The following TCF12 variants were observed in gnomAD, a reference collection of about 807,000 sequenced individuals.
TCF12 encodes transcription factor 12.
A neutral mutation model predicts 86.0 loss-of-function variants in TCF12; 45 were observed. That is an observed-to-expected ratio of 0.52 (90% CI 0.41 to 0.67). TCF12 has a LOEUF of 0.67. TCF12 is among the 30% of genes least tolerant of loss of function. The pLI is 0.00. For synonymous variants in TCF12, 330 were observed against 299.6 expected, an observed-to-expected ratio of 1.10 and a Z score of -1.05; for missense variants, 881 against 859.9, an observed-to-expected ratio of 1.02 and a Z score of -0.31.
chr15:57,109,889 G>T lies in TCF12; in HGVS notation c.325+17998G>T, dbSNP rs181291024. On this transcript the variant is annotated intron_variant, in intron 5 of 20. Coordinates refer to ENST00000333725, the MANE Select transcript of TCF12 (RefSeq NM_207037.2). ...TGAACGCATAAGGTATCTAGAAAGC[G>T]TTAATTTGTGAGGGAACAAATTAAA... 2.8e-4 allele frequency among the ~76,000 whole-genome samples: 43 copies of T among 152,242 alleles called. No homozygotes were observed. The East Asian group carries it at 4.6e-3, about 16-fold the overall frequency.
intron 3 of TCF12, among the ~76,000 whole-genome samples, chr15:56,937,078 A>T (rs1280791073): frequency 6.6e-6 from 1 of 152,130 alleles, no homozygotes; most frequent in African/African-American, 2.4e-5. Flanking sequence ...CATTTTCACA[A>T]TATTGATTCT....
At chr15:56,999,412 A>AGC (rs201667513) in intron 3 of TCF12, among the ~76,000 whole-genome samples, 3 of 740 alleles carry the variant, frequency 4.1e-3, no homozygotes, top group African/African-American at 6.4e-3. Flanking sequence ...TCAGCAACCA[A>AGC]ACGGGATATC....
At chr15:57,173,663 C>T (rs1380523632) in intron 6 of TCF12, among the ~76,000 whole-genome samples, 2 of 150,574 alleles carry the variant, frequency 1.3e-5, no homozygotes, top group African/African-American at 4.9e-5. Flanking sequence ...AAATACTTAC[C>T]AAGAGGAGAC....
At chr15:57,079,029 T>C (rs1247208986) in intron 4 of TCF12, among the ~76,000 whole-genome samples, 2 of 152,242 alleles carry the variant, frequency 1.3e-5, no homozygotes, top group Non-Finnish European at 2.9e-5. Context: ...TGTAATTAAC[T>C]CATTATATTT....
chr15:56,976,387 C>A (rs573164903), intron 3 of TCF12, among the ~76,000 whole-genome samples: 1 of 147,582 alleles, frequency 6.8e-6, no homozygotes, highest in African/African-American at 2.5e-5. Context: ...GCCGCTACCA[C>A]GCCTGGCTAA....
rs141357213 is a variant in TCF12 at position 57,054,421 on chromosome 15, G to A, written c.149-9329G>A. 3.5e-3 allele frequency among the ~76,000 whole-genome samples: 539 copies of A among 152,264 alleles called. 4 individuals carry two copies. The highest frequency in any genetic ancestry group is 0.012 in the African/African-American group (513 of 41,548). On this transcript the variant is annotated intron_variant, in intron 3 of 20. Coordinates refer to ENST00000333725, the MANE Select transcript of TCF12 (RefSeq NM_207037.2). ...TGCACTTTCACATTGGTATAGTGTT[G>A]TATGTTTTTTGTTTAATGTGTAAGT...
chr15:57,271,980 C>T (rs868575988), intron 18 of TCF12, among the ~76,000 whole-genome samples: 18 of 152,154 alleles, frequency 1.2e-4, no homozygotes, highest in East Asian at 1.9e-4. Context: ...TCCTCCATCC[C>T]GTGGTCCTTG....
intron 3 of TCF12, among the ~76,000 whole-genome samples, chr15:56,999,794 A>G (rs910777439): frequency 6.6e-6 from 1 of 152,120 alleles, no homozygotes. Context: ...GAATCCCTTA[A>G]GTCTGGGAGG....
chr15:56,977,000 T>G, intron 3 of TCF12, among the ~76,000 whole-genome samples: 1 of 152,222 alleles, frequency 6.6e-6, no homozygotes, highest in East Asian at 1.9e-4. Context: ...TCAATAGCTA[T>G]ATGTATCTAG....
At chr15:57,130,112 T>C (rs1411300558) in intron 5 of TCF12, 10 of 152,232 alleles carry the variant, frequency 6.6e-5, no homozygotes, top group African/African-American at 2.4e-4. Context: ...TGAAATGTAA[T>C]GTGCCTAAGG....
chr15:57,268,014 A>T (rs1175798594), intron 18 of TCF12, among the ~76,000 whole-genome samples: 1 of 152,190 alleles, frequency 6.6e-6, no homozygotes, highest in Non-Finnish European at 1.5e-5. Flanking sequence ...TGGTAGTGTT[A>T]TGGTGGTAAT....
At chr15:57,091,928 G>T (rs1156380627) in intron 5 of TCF12, 37 bp downstream of exon 5, 3 of 1,554,570 alleles carry the variant, frequency 1.9e-6, no homozygotes, top group Non-Finnish European at 2.7e-6. Context: ...TCTTCTCAAA[G>T]CTTCTTTGGT....
At chr15:57,131,123 G>A (rs995276515) in intron 5 of TCF12, among the ~76,000 whole-genome samples, 15 of 152,098 alleles carry the variant, frequency 9.9e-5, no homozygotes, top group Non-Finnish European at 2.2e-4. Flanking sequence ...AGGTTCAAAC[G>A]TAGGTGCTTT....
Position 57,222,758 on chromosome 15 carries a change from A to ATTTTTTTTTTT in TCF12, c.580-8368_580-8358dup, listed in dbSNP as rs57645813. 4.4e-5 allele frequency among the ~76,000 whole-genome samples: 2 copies of ATTTTTTTTTTT among 45,530 alleles called. 1 individual carries two copies. The allele number at this position is 45,530 out of a possible 152,430, so 29.9% of individuals were successfully genotyped here. On this transcript the variant is annotated intron_variant, in intron 8 of 20. Transcript: ENST00000333725. ...GTTTTGGGGGAAAAAAAGGACTGCC[A>ATTTTTTTTTTT]TTTTTTTTTTTTTTTTTTTTTTTTT...
At chr15:56,996,154 T>C (rs1203565913) in intron 3 of TCF12, among the ~76,000 whole-genome samples, 1 of 152,156 alleles carries the variant, frequency 6.6e-6, no homozygotes, top group Non-Finnish European at 1.5e-5. Context: ...CATGGTGAAA[T>C]ACCTTTTGAT....
Position 57,184,198 on chromosome 15 carries a change from A to C in TCF12, c.391-7960A>C, listed in dbSNP as rs1004052281. Among the ~76,000 whole-genome samples the C allele has an allele frequency of 2.0e-5, 3 of 152,322 alleles. No homozygotes were observed. In the East Asian group the frequency reaches 5.8e-4, roughly 29 times the overall value. ...GATAACAAATATTTTAGGTTTTAAC[A>C]GACCATACGTTTTCTGTTGCAACAC... On this transcript the variant is annotated intron_variant, in intron 6 of 20. Coordinates refer to ENST00000333725, the MANE Select transcript of TCF12 (RefSeq NM_207037.2).
intron 8 of TCF12, among the ~76,000 whole-genome samples, chr15:57,208,786 C>T (rs537496521): frequency 4.6e-5 from 7 of 151,950 alleles, no homozygotes; most frequent in South Asian, 2.1e-4. Flanking sequence ...TAGCTCGCTG[C>T]GGCCTCAAAC....
chr15:57,158,036 A>G (rs1302788574), intron 5 of TCF12, among the ~76,000 whole-genome samples: 1 of 152,142 alleles, frequency 6.6e-6, no homozygotes, highest in Non-Finnish European at 1.5e-5. Flanking sequence ...TGTTTTCTAT[A>G]AACCTTCTCA....
At position 57,265,277 on chromosome 15, in the gene TCF12, C is replaced by T. The variant is rs7172150; in HGVS notation, c.1745+2003C>T. On this transcript the variant is annotated intron_variant, in intron 18 of 20. Transcript: ENST00000333725. Reference sequence around the variant, plus strand: ...TTGTTTGTGGAGTTTGCACATTCTTCCCATGTCTCCTCATGTGGGTTTTCT... The same window carrying T: ...TTGTTTGTGGAGTTTGCACATTCTTTCCATGTCTCCTCATGTGGGTTTTCT... Among the ~76,000 whole-genome samples, 627 of 152,126 alleles carry T rather than the reference C, an allele frequency of 4.1e-3. 3 individuals carry two copies. The highest frequency in any genetic ancestry group is 0.015 in the African/African-American group (610 of 41,496).
Sources: gnomAD v4.1 joint callset for allele counts (sites outside exome capture counted in the v4.1 genomes callset) on GRCh38, gnomAD v4.1.1 for gene constraint, MANE v1.5 for transcripts, NCBI Gene and HGNC (gene_info 2026-07-23, HGNC 2026-07-21) for gene names.